The following TENM1 variants were observed in gnomAD, a reference collection of about 807,000 sequenced individuals.
The protein encoded by TENM1 is teneurin-1.
In TENM1, 35 loss-of-function variants were observed where a neutral mutation model predicts 174.8. That is an observed-to-expected ratio of 0.20 (90% CI 0.15 to 0.27). The LOEUF (loss-of-function observed/expected upper bound fraction) is 0.27. TENM1 is among the 10% of genes least tolerant of loss of function. TENM1 has a pLI of 1.00. For missense variants in TENM1, 1,633 were observed against 2,130.1 expected (o/e 0.77, Z 4.59); for synonymous variants, 781 against 798.7 (o/e 0.98, Z 0.37).
intron 1 of TENM1, among the ~76,000 whole-genome samples, chrX:124,935,088 T>C (rs1333235686): frequency 9.2e-6 from 1 of 108,773 alleles, no homozygotes; most frequent in African/African-American, 3.3e-5. Flanking sequence ...GGATTGACAG[T>C]AAACTTACAA....
At chrX:124,697,157 G>T (rs2052670554) in intron 5 of TENM1, among the ~76,000 whole-genome samples, 1 of 111,309 alleles carries the variant, frequency 9.0e-6, no homozygotes, top group South Asian at 3.8e-4. Flanking sequence ...ACATTTGTGA[G>T]GCCCTTCCTT....
chrX:124,637,998 T>C (rs1367138396), intron 11 of TENM1, among the ~76,000 whole-genome samples: 1 of 112,373 alleles, frequency 8.9e-6, no homozygotes, highest in Non-Finnish European at 1.9e-5. Flanking sequence ...GATGCTGAGA[T>C]GGATGGAAGA....
chrX:124,586,489 G>A (rs1328940163), intron 11 of TENM1, among the ~76,000 whole-genome samples: 4 of 110,943 alleles, frequency 3.6e-5, no homozygotes, highest in Non-Finnish European at 5.7e-5. Context: ...ATTCAACAAC[G>A]CTTCATGCTA....
chrX:124,669,755 CT>C lies in TENM1; in HGVS notation c.1168+1927del, dbSNP rs768923988. On this transcript the variant is annotated intron_variant, in intron 6 of 31. Transcript: ENST00000422452. ...AAAGTATTTAATTGAAGTCGGTTTG[CT>C]CTGTTTGTTGTTATAATTGAGCAGA... 7.2e-5 allele frequency among the ~76,000 whole-genome samples: 8 copies of C among 111,660 alleles called. 1 individual carries two copies. The highest frequency in any genetic ancestry group is 2.6e-4 in the African/African-American group (8 of 30,799).
intron 5 of TENM1, 125 bp downstream of exon 8, chrX:124,704,888 T>C: frequency 2.0e-6 from 1 of 489,870 alleles, no homozygotes; most frequent in Admixed American, 3.2e-5. Flanking sequence ...ATCAATTTGT[T>C]ATCATACTAA....
intron 3 of TENM1, among the ~76,000 whole-genome samples, chrX:124,819,812 T>G (rs749486198): frequency 9.1e-6 from 1 of 109,915 alleles, no homozygotes; most frequent in East Asian, 2.9e-4. Flanking sequence ...TTTTTTTTTT[T>G]GGAGACAGAA....
chrX:124,776,727 G>T (rs2148631134), intron 3 of TENM1, among the ~76,000 whole-genome samples: 1 of 111,058 alleles, frequency 9.0e-6, no homozygotes, highest in South Asian at 3.8e-4. Flanking sequence ...TAGCAAAAAA[G>T]CATAATAAAC....
At chrX:125,054,337 A>T in the TENM1 span, among the ~76,000 whole-genome samples, 5 of 110,135 alleles carry the variant, frequency 4.5e-5, no homozygotes, top group African/African-American at 1.7e-4. Context: ...CGCTTTCTGT[A>T]CAGTCTGCAG....
chrX:124,932,661 A>G (rs955798972), intron 1 of TENM1, among the ~76,000 whole-genome samples: 1 of 112,053 alleles, frequency 8.9e-6, no homozygotes, highest in African/African-American at 3.2e-5. Flanking sequence ...TGGAAATGCT[A>G]GAAAGAATCC....
the TENM1 span, among the ~76,000 whole-genome samples, chrX:125,159,027 C>G: frequency 9.0e-6 from 1 of 110,883 alleles, no homozygotes; most frequent in Admixed American, 9.6e-5. Flanking sequence ...CAGAAACAGT[C>G]TAGCAGCACA....
the TENM1 span, among the ~76,000 whole-genome samples, chrX:125,081,961 G>A: frequency 1.8e-5 from 2 of 109,734 alleles, no homozygotes; most frequent in East Asian, 2.9e-4. Flanking sequence ...AAATACAGAG[G>A]GGAGTAATAA....
chrX:124,859,657 G>A (rs2056878032), intron 3 of TENM1, among the ~76,000 whole-genome samples: 1 of 111,575 alleles, frequency 9.0e-6, no homozygotes, highest in African/African-American at 3.3e-5. Flanking sequence ...AAAATACACG[G>A]GATACATATA....
the TENM1 span, among the ~76,000 whole-genome samples, chrX:125,038,516 A>G: frequency 9.0e-6 from 1 of 111,644 alleles, no homozygotes; most frequent in South Asian, 3.7e-4. Flanking sequence ...AAGCTACTAT[A>G]GACACACGGC....
In TENM1 at chrX:124,510,367, C is replaced by G. The variant is rs180927440; in HGVS notation, c.3302-6664G>C. ...CTAAATAAATAACTTTTTATTTGTT[C>G]AGAATTTAAGAGACAAGGACTGGAA... On this transcript the variant is annotated intron_variant, in intron 18 of 31. Coordinates refer to ENST00000422452, the Ensembl canonical transcript of TENM1. Among the ~76,000 whole-genome samples, 181 of 112,310 alleles carry G rather than the reference C, an allele frequency of 1.6e-3. 1 individual carries two copies. Among genetic ancestry groups the G allele is most frequent in the Non-Finnish European group, 1.1e-3 (57 of 53,212 alleles).
At chrX:124,660,837 T>C (rs2051581669) in intron 6 of TENM1, among the ~76,000 whole-genome samples, 1 of 112,070 alleles carries the variant, frequency 8.9e-6, no homozygotes, top group Non-Finnish European at 1.9e-5. Flanking sequence ...ACATAAAATG[T>C]TAAACACAGA....
At chrX:124,408,882 A>T (rs1469287568) in intron 25 of TENM1, among the ~76,000 whole-genome samples, 1 of 83,851 alleles carries the variant, frequency 1.2e-5, no homozygotes, top group African/African-American at 4.8e-5. Context: ...ATGTGTTCTC[A>T]TTGTTCAATT....
At chrX:124,576,908 C>T (rs2049179312) in intron 11 of TENM1, among the ~76,000 whole-genome samples, 1 of 111,694 alleles carries the variant, frequency 9.0e-6, no homozygotes. Flanking sequence ...TGGTGTTATT[C>T]TAAGGCAATA....
chrX:125,020,461 C>T, the TENM1 span, among the ~76,000 whole-genome samples: 1 of 109,460 alleles, frequency 9.1e-6, no homozygotes, highest in Admixed American at 9.8e-5. Flanking sequence ...TGTTAATGGG[C>T]TCAAACTTTC....
chrX:124,679,525 C>A (rs2052180722), intron 5 of TENM1, among the ~76,000 whole-genome samples: 1 of 112,020 alleles, frequency 8.9e-6, no homozygotes, highest in Non-Finnish European at 1.9e-5. Flanking sequence ...AATATCACTG[C>A]AAAAATAAAT....
Sources: allele counts gnomAD v4.1 joint callset (sites outside exome capture counted in the v4.1 genomes callset), GRCh38; gene constraint gnomAD v4.1.1; transcripts MANE v1.5; gene names NCBI Gene and HGNC (gene_info 2026-07-23, HGNC 2026-07-21).